Variants in MGST2 observed in about 807,000 individuals in gnomAD.
MGST2 encodes glutathione peroxidase MGST2.
Under a neutral mutation model 16.6 loss-of-function variants are expected in MGST2, and 9 were observed. The observed-to-expected ratio is 0.54, with a 90% CI of 0.33 to 0.95. MGST2 has a LOEUF of 0.95. Ranked by LOEUF, MGST2 falls within the 40% of genes least tolerant of loss-of-function variation. The pLI is 0.03. For synonymous variants in MGST2, 79 were observed against 68.0 expected, an observed-to-expected ratio of 1.16 and a Z score of -0.79; for missense variants, 159 against 175.1, an observed-to-expected ratio of 0.91 and a Z score of 0.52.
At chr4:139,709,084 T>A (rs1203469122), downstream of MGST2, among the ~76,000 whole-genome samples, 14 of 129,298 alleles carry the variant, frequency 1.1e-4, 2 homozygotes, top group South Asian at 3.0e-3. Flanking sequence ...TTTTTTTTTT[T>A]TTTTTTTTTT....
intron 2 of MGST2, among the ~76,000 whole-genome samples, chr4:139,690,462 T>C (rs548568906): frequency 1.1e-4 from 16 of 152,228 alleles, no homozygotes; most frequent in African/African-American, 3.9e-4. Flanking sequence ...ATTTTTATGA[T>C]GTTTGTTTTA....
chr4:139,725,702 C>T (rs376173702), intron 5 of MGST2: 149 of 1,559,508 alleles, frequency 9.6e-5, no homozygotes, highest in African/African-American at 1.1e-4. Context: ...CATTCACTTA[C>T]GCTTCACCAC....
intron 3 of MGST2, chr4:139,698,337 C>A (rs1186644468): frequency 1.2e-4 from 197 of 1,576,128 alleles, no homozygotes; most frequent in Non-Finnish European, 1.5e-4. Flanking sequence ...AGCAATTTCT[C>A]GCACCAGACG....
chr4:139,678,102 T>C (rs1003317717), intron 1 of MGST2, among the ~76,000 whole-genome samples: 2 of 152,246 alleles, frequency 1.3e-5, no homozygotes, highest in Non-Finnish European at 2.9e-5. Context: ...AAGGCTGCTA[T>C]GTATACATAT....
chr4:139,744,353 A>G (rs1007940264), downstream of MGST2, among the ~76,000 whole-genome samples: 3 of 152,212 alleles, frequency 2.0e-5, no homozygotes, highest in African/African-American at 7.2e-5. Flanking sequence ...ACTCACAGCT[A>G]AAACAAACAA....
chr4:139,719,408 C>T, intron 5 of MGST2: 2 of 1,614,002 alleles, frequency 1.2e-6, no homozygotes, highest in South Asian at 2.2e-5. Flanking sequence ...AAGGTCTGCA[C>T]CGTCCGGGAG....
intron 5 of MGST2, among the ~76,000 whole-genome samples, chr4:139,737,995 G>A (rs573947852): frequency 1.3e-5 from 2 of 152,256 alleles, no homozygotes; most frequent in African/African-American, 4.8e-5. Flanking sequence ...GGGGCCCAAT[G>A]CGAAGGCTGC....
At chr4:139,675,996 A>G (rs953467117) in intron 1 of MGST2, among the ~76,000 whole-genome samples, 3 of 152,168 alleles carry the variant, frequency 2.0e-5, no homozygotes, top group Admixed American at 6.5e-5. Flanking sequence ...AACTCCTCAG[A>G]TAAGGAGTTC....
rs1727383301 is a variant in MGST2, at chr4:139,703,450, T to A, written c.230-5T>A. 1.9e-6 allele frequency: 3 copies of A among 1,612,788 alleles called. No homozygotes were observed. The African/African-American group carries it at 4.0e-5, about 22-fold the overall frequency. On this transcript the variant is annotated splice_polypyrimidine_tract_variant and splice_region_variant and intron_variant, in intron 3 of 4. Transcript: ENST00000265498. ...CTTTTCTTTTTTTTTCCCACCCCCC[T>A]ATAGTTTTTGCTACTTGTCTGGGTC...
intron 2 of MGST2, among the ~76,000 whole-genome samples, chr4:139,693,233 G>A (rs1002517309): frequency 6.6e-6 from 1 of 150,900 alleles, no homozygotes. Flanking sequence ...ATGAAACCCC[G>A]TCTCTACTAA....
chr4:139,713,943 TTTTG>T (rs1331586626), intron 5 of MGST2, among the ~76,000 whole-genome samples: 3 of 152,226 alleles, frequency 2.0e-5, no homozygotes, highest in African/African-American at 7.2e-5. Flanking sequence ...GAGTAGTTAA[TTTTG>T]AGCTTGCAAA....
At chr4:139,740,669 G>A (rs566162422) in exon 6 of MGST2, 2 of 152,266 alleles carry the variant, frequency 1.3e-5, no homozygotes, top group East Asian at 3.9e-4. Flanking sequence ...GTTATACTGG[G>A]AGACAGGCCA....
At chr4:139,713,255 T>C (rs1458385869) in intron 5 of MGST2, among the ~76,000 whole-genome samples, 1 of 152,132 alleles carries the variant, frequency 6.6e-6, no homozygotes, top group African/African-American at 2.4e-5. Flanking sequence ...GATAACACAA[T>C]ACAAAACAGA....
In MGST2 at chr4:139,713,473, CAGAAAAAA is replaced by C. The variant is rs1170204813; in HGVS notation, c.*48+9279_*48+9286del. Among the ~76,000 whole-genome samples, 45 of 4,134 alleles carry C rather than the reference CAGAAAAAA, an allele frequency of 0.011. 1 individual carries two copies. The East Asian group carries it at 0.17, about 16-fold the overall frequency. 2.7% of individuals were successfully genotyped at this position (4,134 alleles called of 152,430 possible). ...CGTGTGTTCATTAAGAGTGGCAAGA[CAGAAAAAA>C]AAAAAAAAAAAAAAAAGGAGAAAAA... On this transcript the variant is annotated intron_variant, in intron 5 of 5. Coordinates refer to the MGST2 transcript ENST00000616265.
downstream of MGST2, among the ~76,000 whole-genome samples, chr4:139,744,321 G>C (rs1051399191): frequency 1.3e-5 from 2 of 152,160 alleles, no homozygotes; most frequent in African/African-American, 4.8e-5. Flanking sequence ...CCAGATCTTA[G>C]AGTTGATTTT....
chr4:139,730,545 G>C, intron 5 of MGST2: 1 of 1,578,994 alleles, frequency 6.3e-7, no homozygotes, highest in African/African-American at 1.3e-5. Flanking sequence ...TGGCTGCTTG[G>C]GGCTGGCTGC....
the MGST2 span, among the ~76,000 whole-genome samples, chr4:139,747,268 G>T: frequency 5.3e-5 from 8 of 152,188 alleles, no homozygotes; most frequent in Admixed American, 6.5e-5. Context: ...TTGTGGCGCC[G>T]GTGGGAGGAG....
At position 139,715,065 on chromosome 4, in the gene MGST2, C is replaced by T. The variant is rs998360518; in HGVS notation, c.*48+10869C>T. ...AAGAGGGGCCTCTAACCCGCTAAAT[C>T]TTAGAAGGGACTCTAACTCTCCTAA... On this transcript the variant is annotated intron_variant, in intron 5 of 5. Coordinates refer to the MGST2 transcript ENST00000616265. This position sits in a 1 kb window ranked among gnomAD's most constrained non-coding sequence, Gnocchi z 4.4. 5.3e-5 allele frequency among the ~76,000 whole-genome samples: 8 copies of T among 152,184 alleles called. No individual in the cohort carries two copies. The highest frequency in any genetic ancestry group is 1.2e-4 in the Non-Finnish European group (8 of 68,030).
chr4:139,676,257 A>C (rs1730951432), intron 1 of MGST2, among the ~76,000 whole-genome samples: 1 of 152,076 alleles, frequency 6.6e-6, no homozygotes, highest in Non-Finnish European at 1.5e-5. Context: ...TCTTATTGTT[A>C]AGTAGTATCC....
Sources: gnomAD v4.1 joint callset for allele counts (sites outside exome capture counted in the v4.1 genomes callset) on GRCh38, gnomAD v4.1.1 for gene constraint, Gnocchi (gnomAD v3.1) non-coding constraint, MANE v1.5 for transcripts, NCBI Gene and HGNC (gene_info 2026-07-23, HGNC 2026-07-21) for gene names.